PPM1A: variants seen among roughly 807,000 people sequenced by gnomAD.
The protein encoded by PPM1A is protein phosphatase, Mg2+/Mn2+ dependent 1A.
Under a neutral mutation model 35.0 loss-of-function variants are expected in PPM1A, and 7 were observed. The ratio of observed to expected loss-of-function variants is 0.20; its 90% CI spans 0.11 to 0.38. PPM1A has a LOEUF of 0.38. PPM1A is among the 10% of genes least tolerant of loss of function. PPM1A has a pLI of 1.00. For missense variants in PPM1A, 239 were observed against 467.8 expected (o/e 0.51, Z 4.51); for synonymous variants, 153 against 167.3 (o/e 0.91, Z 0.66).
intron 2 of PPM1A, among the ~76,000 whole-genome samples, chr14:60,285,233 A>G (rs889562101): frequency 3.9e-5 from 6 of 152,244 alleles, no homozygotes; most frequent in African/African-American, 1.4e-4. Context: ...CAATGCCACT[A>G]AAATTTTCTG....
At position 60,274,000 on chromosome 14, in the gene PPM1A, T is replaced by C. The variant is rs1885461760; in HGVS notation, c.-20-8684T>C. 6.6e-6 allele frequency among the ~76,000 whole-genome samples: 1 copy of C among 152,186 alleles called. No individual in the cohort carries two copies. Among genetic ancestry groups the C allele is most frequent in the African/African-American group, 2.4e-5 (1 of 41,436 alleles). On this transcript the variant is annotated intron_variant, in intron 1 of 5. Coordinates refer to ENST00000395076, the MANE Select transcript of PPM1A (RefSeq NM_021003.5). The surrounding 1 kb of genome is among the most constrained non-coding windows in gnomAD (Gnocchi z 4.3). ...GGTTTGTATTCACCTTGGTGGGTGA[T>C]GGTGCCATTCACTGGTAAAAGCTGC... is the stretch of plus-strand genomic sequence containing the variant.
intron 1 of PPM1A, among the ~76,000 whole-genome samples, chr14:60,269,338 C>T (rs1884790668): frequency 6.6e-6 from 1 of 152,088 alleles, no homozygotes; most frequent in Non-Finnish European, 1.5e-5. Flanking sequence ...ATGGATAACA[C>T]TACTTTAGTG....
At chr14:60,257,074 AG>A (rs748014375) in intron 1 of PPM1A, among the ~76,000 whole-genome samples, 3 of 152,238 alleles carry the variant, frequency 2.0e-5, no homozygotes, top group Non-Finnish European at 4.4e-5. Flanking sequence ...ATATTAAAAA[AG>A]CATAAGATAT....
chr14:60,293,493 T>C lies in PPM1A; in HGVS notation c.*1011T>C, dbSNP rs1887827009. The stretch of plus-strand genomic sequence containing the variant: ...CTGTCACTCAAGGCATAGATGAAAC[T>C]TTCCTTCCATTAGAAAGACTAAAAG... On this transcript the variant is annotated 3_prime_UTR_variant, in exon 6 of 6. Coordinates refer to ENST00000395076, the MANE Select transcript of PPM1A (RefSeq NM_021003.5). This position sits in a 1 kb window ranked among gnomAD's most constrained non-coding sequence, Gnocchi z 4.0. 1 of 152,070 alleles carries C rather than the reference T, an allele frequency of 6.6e-6. No individual in the cohort carries two copies. Among genetic ancestry groups the C allele is most frequent in the Admixed American group, 6.6e-5 (1 of 15,238 alleles). The allele number at this position is 152,070 out of a possible 1,614,324, so 9.4% of individuals were successfully genotyped here.
intron 1 of PPM1A, among the ~76,000 whole-genome samples, chr14:60,265,525 A>G (rs1389102577): frequency 1.3e-5 from 2 of 152,250 alleles, no homozygotes; most frequent in Non-Finnish European, 2.9e-5. Context: ...TGTATAGTTA[A>G]TAAATATTTA....
At position 60,249,715 on chromosome 14, in the gene PPM1A, C is replaced by G; in HGVS notation, c.-21+38C>G. 1.0e-6 allele frequency: 1 copy of G among 979,438 alleles called. No individual in the cohort carries two copies. Among genetic ancestry groups the G allele is most frequent in the Non-Finnish European group, 1.2e-6 (1 of 826,038 alleles). The allele number at this position is 979,438 out of a possible 1,614,324, so 60.7% of individuals were successfully genotyped here. A position where few individuals can be genotyped will look rare whatever the true frequency, so the allele number is the denominator to read the frequency against. On this transcript the variant is annotated intron_variant, in intron 1 of 5. Transcript: ENST00000395076. The surrounding 1 kb of genome is among the most constrained non-coding windows in gnomAD (Gnocchi z 4.5). Reference sequence around the variant, plus strand: ...CTCGGGCCGACGGCGGGCTGGCGGGCGGTGCGGGCCTGCGCGGCGGCGGCG... The same window carrying G: ...CTCGGGCCGACGGCGGGCTGGCGGGGGGTGCGGGCCTGCGCGGCGGCGGCG...
At chr14:60,288,928 G>T (rs1178653595) in intron 3 of PPM1A, among the ~76,000 whole-genome samples, 2 of 152,046 alleles carry the variant, frequency 1.3e-5, no homozygotes, top group African/African-American at 4.8e-5. Context: ...TGCAAGTGAA[G>T]ACTTTTTATA....
At chr14:60,262,760 A>G (rs1456744141) in intron 1 of PPM1A, among the ~76,000 whole-genome samples, 1 of 152,252 alleles carries the variant, frequency 6.6e-6, no homozygotes, top group Non-Finnish European at 1.5e-5. Flanking sequence ...ATTTAAATAT[A>G]AATCATGAAT....
intron 1 of PPM1A, among the ~76,000 whole-genome samples, chr14:60,280,040 C>T (rs912787555): frequency 2.0e-5 from 3 of 152,008 alleles, no homozygotes; most frequent in Non-Finnish European, 4.4e-5. Flanking sequence ...CTCGCTCTAT[C>T]GCCCAGGCTG....
chr14:60,253,052 G>A (rs1489769936), intron 1 of PPM1A, among the ~76,000 whole-genome samples: 1 of 152,148 alleles, frequency 6.6e-6, no homozygotes, highest in Non-Finnish European at 1.5e-5. Context: ...CTTTTAATGT[G>A]TATCAGTAAA....
intron 4 of PPM1A, among the ~76,000 whole-genome samples, chr14:60,290,704 C>T (rs1391940393): frequency 1.3e-5 from 2 of 152,066 alleles, no homozygotes; most frequent in Non-Finnish European, 2.9e-5. Context: ...CTGTGTTTTG[C>T]AAGTGTGACC....
intron 3 of PPM1A, 70 bp downstream of exon 3, chr14:60,285,811 T>C: frequency 6.4e-7 from 1 of 1,571,996 alleles, no homozygotes; most frequent in Non-Finnish European, 8.6e-7. Flanking sequence ...ACTTTAACAT[T>C]TTAGCTTTTA....
intron 1 of PPM1A, among the ~76,000 whole-genome samples, chr14:60,254,915 T>G (rs1882876541): frequency 6.6e-6 from 1 of 152,210 alleles, no homozygotes; most frequent in Admixed American, 6.5e-5. Context: ...AAGACATTAG[T>G]CTGTTATAAC....
chr14:60,284,685 ATATATATATATATGTGTGTGTG>A (rs1566601466), intron 2 of PPM1A, among the ~76,000 whole-genome samples: 1 of 121,272 alleles, frequency 8.2e-6, no homozygotes, highest in Non-Finnish European at 1.6e-5. Flanking sequence ...GAGCGTATGT[ATATATATATATATGTGTGTGTG>A]TATATATATA....
chr14:60,260,926 T>C (rs1883678997), intron 1 of PPM1A, among the ~76,000 whole-genome samples: 1 of 152,104 alleles, frequency 6.6e-6, no homozygotes, highest in Admixed American at 6.6e-5. Context: ...GCATCCCAAT[T>C]TAAACCAAGA....
chr14:60,249,620 G>GGCTGCC lies in PPM1A; in HGVS notation c.-75_-70dup, dbSNP rs914081776. 7.1e-6 allele frequency: 7 copies of GGCTGCC among 982,864 alleles called. No homozygotes were observed. The highest frequency in any genetic ancestry group is 1.2e-4 in the East Asian group (1 of 8,182). The allele number at this position is 982,864 out of a possible 1,614,324, so 60.9% of individuals were successfully genotyped here. A position where few individuals can be genotyped will look rare whatever the true frequency, so the allele number is the denominator to read the frequency against. ...TCGCCGCCGCGGTGACCCCCTCCCCGGCTGCCGCCGCCGCCGCCTCGGCCG... is the reference window on the plus strand; with the variant it reads ...TCGCCGCCGCGGTGACCCCCTCCCCGGCTGCCGCTGCCGCCGCCGCCGCCTCGGCCG... On this transcript the variant is annotated 5_prime_UTR_variant, in exon 1 of 6. Coordinates refer to ENST00000395076, the MANE Select transcript of PPM1A (RefSeq NM_021003.5). This position sits in a 1 kb window ranked among gnomAD's most constrained non-coding sequence, Gnocchi z 4.5.
At chr14:60,285,494 A>AT (rs1886916133) in intron 2 of PPM1A, 130 bp from the exon 3 acceptor site, 4 of 983,676 alleles carry the variant, frequency 4.1e-6, no homozygotes, top group South Asian at 1.7e-5. Flanking sequence ...GCACATATGT[A>AT]TTTTTTTCTC....
chr14:60,272,739 A>C (rs191489246), intron 1 of PPM1A, among the ~76,000 whole-genome samples: 1 of 150,498 alleles, frequency 6.6e-6, no homozygotes, highest in Non-Finnish European at 1.5e-5. Flanking sequence ...CTAAGTGTAC[A>C]CTCAGATGCT....
intron 1 of PPM1A, chr14:60,277,288 A>G (rs1369477178): frequency 6.4e-6 from 1 of 156,584 alleles, no homozygotes; most frequent in Non-Finnish European, 1.4e-5. Flanking sequence ...TTATATTTAT[A>G]TAATCAGCTC....
Sources: allele counts gnomAD v4.1 joint callset (sites outside exome capture counted in the v4.1 genomes callset), GRCh38; gene constraint gnomAD v4.1.1; non-coding constraint Gnocchi (gnomAD v3.1); transcripts MANE v1.5; gene names NCBI Gene and HGNC (gene_info 2026-07-23, HGNC 2026-07-21).